Variants in NEGR1 observed in about 807,000 individuals in gnomAD.
NEGR1 encodes the protein IgLON family member 4.
Under a neutral mutation model 40.9 loss-of-function variants are expected in NEGR1, and 10 were observed. The ratio of observed to expected loss-of-function variants is 0.24; its 90% CI spans 0.15 to 0.42. The LOEUF (loss-of-function observed/expected upper bound fraction) is 0.42, where lower values mean the gene tolerates loss of function less well. Ranked by LOEUF, NEGR1 falls within the 10% of genes least tolerant of loss-of-function variation. NEGR1 has a pLI of 1.00. For synonymous variants in NEGR1, 185 were observed against 166.8 expected (o/e 1.11, Z -0.84); for missense variants, 352 against 438.9 (o/e 0.80, Z 1.77).
intron 2 of NEGR1, among the ~76,000 whole-genome samples, chr1:71,807,498 T>C (rs976468115): frequency 6.6e-6 from 1 of 152,194 alleles, no homozygotes; most frequent in Non-Finnish European, 1.5e-5. Flanking sequence ...ACAGTGATAC[T>C]ACATTCCAAA....
intron 1 of NEGR1, among the ~76,000 whole-genome samples, chr1:72,139,043 A>G (rs1176485097): frequency 6.6e-6 from 1 of 151,948 alleles, no homozygotes; most frequent in Non-Finnish European, 1.5e-5. Context: ...CAAATAAAGA[A>G]AGATATTTGA....
chr1:72,219,474 T>C lies in NEGR1; in HGVS notation c.176+62845A>G, dbSNP rs570748445. On this transcript the variant is annotated intron_variant, in intron 1 of 6. Transcript: ENST00000357731. ...AGGCAAGCTTGGCATTTTAGAACTA[T>C]TTTATTTTTAGTTTGAAATTAATTT... Among the ~76,000 whole-genome samples, 36 of 152,190 alleles carry C rather than the reference T, an allele frequency of 2.4e-4. No individual in the cohort carries two copies. In the South Asian group the frequency reaches 6.8e-3, roughly 29 times the overall value.
chr1:71,702,726 T>TAAAAA (rs5775082), intron 3 of NEGR1, among the ~76,000 whole-genome samples: 1 of 141,860 alleles, frequency 7.0e-6, no homozygotes, highest in Non-Finnish European at 1.5e-5. Context: ...AAAACTTATT[T>TAAAAA]AAAAAAAAAA....
At chr1:72,257,738 T>C (rs755133283) in intron 1 of NEGR1, among the ~76,000 whole-genome samples, 59 of 152,148 alleles carry the variant, frequency 3.9e-4, no homozygotes, top group Non-Finnish European at 7.1e-4. Flanking sequence ...TCCTGAGAAA[T>C]GTTAACCATA....
At chr1:72,244,117 C>T (rs1191773772) in intron 1 of NEGR1, among the ~76,000 whole-genome samples, 7 of 151,444 alleles carry the variant, frequency 4.6e-5, no homozygotes, top group African/African-American at 7.3e-5. Flanking sequence ...TCTGTTTTGA[C>T]GATATATGGT....
intron 3 of NEGR1, among the ~76,000 whole-genome samples, chr1:71,708,769 T>C (rs140377540): frequency 4.6e-5 from 7 of 152,256 alleles, no homozygotes; most frequent in African/African-American, 1.4e-4. Flanking sequence ...GTGCCCAGCA[T>C]GTGTTGTTCC....
intron 1 of NEGR1, among the ~76,000 whole-genome samples, chr1:72,171,290 T>A (rs1651954830): frequency 6.6e-6 from 1 of 152,186 alleles, no homozygotes; most frequent in African/African-American, 2.4e-5. Context: ...TATAAAGATA[T>A]TAGAATGCTA....
At chr1:71,681,090 C>G (rs765412976) in intron 4 of NEGR1, among the ~76,000 whole-genome samples, 22 of 152,220 alleles carry the variant, frequency 1.4e-4, no homozygotes, top group Non-Finnish European at 2.8e-4. Context: ...TATTAACATA[C>G]ACATCTATGA....
intron 6 of NEGR1, among the ~76,000 whole-genome samples, chr1:71,497,553 G>A (rs1030362591): frequency 6.6e-6 from 1 of 151,902 alleles, no homozygotes; most frequent in Non-Finnish European, 1.5e-5. Flanking sequence ...CTGATTCCCA[G>A]GATAGAATTG....
chr1:71,509,987 C>A (rs1199370450), intron 6 of NEGR1, among the ~76,000 whole-genome samples: 1 of 152,132 alleles, frequency 6.6e-6, no homozygotes, highest in African/African-American at 2.4e-5. Flanking sequence ...TCATTCTCAA[C>A]AATACTGCCC....
At chr1:71,466,534 G>C (rs917283315) in intron 6 of NEGR1, among the ~76,000 whole-genome samples, 1 of 152,068 alleles carries the variant, frequency 6.6e-6, no homozygotes, top group Non-Finnish European at 1.5e-5. Flanking sequence ...GCTGGGGAAT[G>C]GTGATCGAGA....
chr1:72,036,375 G>A (rs1294710638), intron 1 of NEGR1, among the ~76,000 whole-genome samples: 2 of 152,056 alleles, frequency 1.3e-5, no homozygotes, highest in African/African-American at 2.4e-5. Context: ...AGCCATATTG[G>A]CTGGGCACGT....
At chr1:71,602,561 A>C (rs1040133026) in intron 5 of NEGR1, among the ~76,000 whole-genome samples, 1 of 152,104 alleles carries the variant, frequency 6.6e-6, no homozygotes, top group East Asian at 1.9e-4. Context: ...GCCCATGATT[A>C]TTCTTAACCC....
chr1:71,554,433 G>A (rs1648185520), intron 6 of NEGR1, among the ~76,000 whole-genome samples: 1 of 151,298 alleles, frequency 6.6e-6, no homozygotes, highest in African/African-American at 2.4e-5. Flanking sequence ...CCTATCAGTA[G>A]GCTACCTGTT....
chr1:71,457,241 A>G (rs373994964), intron 6 of NEGR1, among the ~76,000 whole-genome samples: 1 of 152,192 alleles, frequency 6.6e-6, no homozygotes, highest in Non-Finnish European at 1.5e-5. Flanking sequence ...TGGCTGCCAG[A>G]ATAATATTCA....
intron 1 of NEGR1, among the ~76,000 whole-genome samples, chr1:71,939,430 T>A (rs1393024215): frequency 6.6e-6 from 1 of 152,058 alleles, no homozygotes; most frequent in African/African-American, 2.4e-5. Context: ...GTTGAGTGGA[T>A]AAATGAAGGT....
intron 1 of NEGR1, among the ~76,000 whole-genome samples, chr1:72,259,045 T>A (rs1655368389): frequency 6.6e-6 from 1 of 152,164 alleles, no homozygotes; most frequent in Non-Finnish European, 1.5e-5. Context: ...CTTTTACTCT[T>A]ACACATTTTA....
At chr1:72,174,091 T>A (rs12397462) in intron 1 of NEGR1, among the ~76,000 whole-genome samples, 3,993 of 152,198 alleles carry the variant, frequency 0.026, 80 homozygotes, top group Non-Finnish European at 0.039. Context: ...TTGTTTTTTT[T>A]AAAAAAACTG....
chr1:71,947,775 TAA>T (rs879569675), intron 1 of NEGR1, among the ~76,000 whole-genome samples: 5 of 120,782 alleles, frequency 4.1e-5, no homozygotes, highest in African/African-American at 1.2e-4. Flanking sequence ...GTTGGTCACT[TAA>T]AAAAAAAAAA....
Sources: gnomAD v4.1 joint callset for allele counts (sites outside exome capture counted in the v4.1 genomes callset) on GRCh38, gnomAD v4.1.1 for gene constraint, MANE v1.5 for transcripts, NCBI Gene and HGNC (gene_info 2026-07-23, HGNC 2026-07-21) for gene names.